The following NYAP2 variants were observed in gnomAD, a reference collection of about 807,000 sequenced individuals.
NYAP2 encodes neuronal tyrosine-phosphorylated phosphoinositide-3-kinase adapter 2.
Under a neutral mutation model 50.4 loss-of-function variants are expected in NYAP2, and 23 were observed. The ratio of observed to expected loss-of-function variants is 0.46; its 90% CI spans 0.33 to 0.65. The LOEUF is 0.65. Among genes scored for constraint, NYAP2 ranks in the 30% least tolerant of loss-of-function variants. The pLI, the probability that NYAP2 is intolerant of heterozygous loss-of-function variation, is 0.02. For missense variants in NYAP2, 885 were observed against 861.0 expected, an observed-to-expected ratio of 1.03 and a Z score of -0.35; for synonymous variants, 394 against 365.2, an observed-to-expected ratio of 1.08 and a Z score of -0.90.
chr2:225,511,993 T>C (rs1574651593), intron 3 of NYAP2, among the ~76,000 whole-genome samples: 1 of 152,198 alleles, frequency 6.6e-6, no homozygotes, highest in African/African-American at 2.4e-5. Context: ...AATTTTGTAA[T>C]GGTATTTTTA....
At chr2:225,438,136 C>T (rs141667225) in intron 3 of NYAP2, among the ~76,000 whole-genome samples, 16 of 152,268 alleles carry the variant, frequency 1.1e-4, no homozygotes, top group South Asian at 2.1e-4. Context: ...CATGTCTTAT[C>T]TTATGTCTCT....
intron 5 of NYAP2, among the ~76,000 whole-genome samples, chr2:225,618,451 C>G (rs1337049192): frequency 1.3e-5 from 2 of 152,198 alleles, no homozygotes; most frequent in Non-Finnish European, 2.9e-5. Context: ...TACAATATGG[C>G]AGGCTCCGAG....
At chr2:225,595,037 T>C (rs1328715540) in intron 5 of NYAP2, among the ~76,000 whole-genome samples, 2 of 152,148 alleles carry the variant, frequency 1.3e-5, no homozygotes, top group Admixed American at 6.5e-5. Flanking sequence ...AAAATTCCAA[T>C]GCAGAAGTCC....
At chr2:225,621,031 A>G (rs940816627) in intron 5 of NYAP2, among the ~76,000 whole-genome samples, 6 of 151,200 alleles carry the variant, frequency 4.0e-5, no homozygotes, top group East Asian at 2.0e-4. Flanking sequence ...GGAGAATGGC[A>G]TGAACCCGGG....
intron 3 of NYAP2, among the ~76,000 whole-genome samples, chr2:225,474,359 A>C (rs1483135825): frequency 6.6e-6 from 1 of 152,224 alleles, no homozygotes; most frequent in Non-Finnish European, 1.5e-5. Flanking sequence ...AGTCATTGGT[A>C]GCTTGATGGG....
chr2:225,520,365 G>C (rs1328782399), intron 4 of NYAP2, among the ~76,000 whole-genome samples: 1 of 152,010 alleles, frequency 6.6e-6, no homozygotes, highest in Non-Finnish European at 1.5e-5. Flanking sequence ...TGTCCTGAAT[G>C]GTAATGCCTA....
chr2:225,516,896 A>G (rs1475284709), intron 4 of NYAP2, among the ~76,000 whole-genome samples: 2 of 152,166 alleles, frequency 1.3e-5, no homozygotes, highest in East Asian at 3.9e-4. Context: ...TTCTTTTTAC[A>G]TTAAATGCCA....
chr2:225,657,487 C>T (rs1305235034), downstream of NYAP2, among the ~76,000 whole-genome samples: 3 of 150,992 alleles, frequency 2.0e-5, no homozygotes, highest in Non-Finnish European at 1.5e-5. Flanking sequence ...GCTCCATCCT[C>T]ATTTAATTTG....
At chr2:225,631,673 ATGT>A (rs989162595) in intron 6 of NYAP2, among the ~76,000 whole-genome samples, 1 of 152,186 alleles carries the variant, frequency 6.6e-6, no homozygotes, top group African/African-American at 2.4e-5. Context: ...AAAGGGAAAA[ATGT>A]TGTGTTGTTA....
intron 4 of NYAP2, 83 bp downstream of exon 4, chr2:225,513,755 C>A: frequency 9.3e-7 from 1 of 1,075,738 alleles, no homozygotes. Flanking sequence ...CAAGTGCCTT[C>A]TTCACTGGGC....
At chr2:225,603,520 A>T (rs1314423300) in intron 5 of NYAP2, among the ~76,000 whole-genome samples, 1 of 152,134 alleles carries the variant, frequency 6.6e-6, no homozygotes, top group African/African-American at 2.4e-5. Context: ...GGAGTGCAGT[A>T]ATGCGATCTC....
intron 4 of NYAP2, among the ~76,000 whole-genome samples, chr2:225,552,249 A>C (rs59685410): frequency 6.6e-6 from 1 of 152,198 alleles, no homozygotes; most frequent in South Asian, 2.1e-4. Flanking sequence ...TCATAAATAT[A>C]AAAACGATAC....
chr2:225,683,973 G>C, the NYAP2 span, among the ~76,000 whole-genome samples: 3 of 152,264 alleles, frequency 2.0e-5, no homozygotes, highest in East Asian at 5.8e-4. Context: ...CCAATTATGA[G>C]AGAAGTCTAG....
intron 3 of NYAP2, among the ~76,000 whole-genome samples, chr2:225,463,356 G>C (rs1689864168): frequency 6.6e-6 from 1 of 152,246 alleles, no homozygotes; most frequent in African/African-American, 2.4e-5. Flanking sequence ...CTGTCAAATT[G>C]AATAGGTGAT....
chr2:225,454,509 C>T (rs1005373246), intron 3 of NYAP2, among the ~76,000 whole-genome samples: 1 of 152,074 alleles, frequency 6.6e-6, no homozygotes, highest in Non-Finnish European at 1.5e-5. Context: ...AAGGGCTCCC[C>T]AAAGATGTCC....
chr2:225,416,153 C>T (rs2106123796), intron 3 of NYAP2, among the ~76,000 whole-genome samples: 1 of 152,280 alleles, frequency 6.6e-6, no homozygotes. Context: ...TTAATCATTT[C>T]AGGGGACCAC....
chr2:225,485,924 T>C (rs1406811424), intron 3 of NYAP2, among the ~76,000 whole-genome samples: 1 of 152,146 alleles, frequency 6.6e-6, no homozygotes, highest in Admixed American at 6.5e-5. Context: ...CTCTAATCAT[T>C]AGATGCTAGT....
At chr2:225,671,747 T>TCAA in the NYAP2 span, among the ~76,000 whole-genome samples, 1 of 152,278 alleles carries the variant, frequency 6.6e-6, no homozygotes, top group Non-Finnish European at 1.5e-5. Flanking sequence ...ATTTCTTAAA[T>TCAA]AATAAGATTT....
At chr2:225,597,962 A>T (rs937607795) in intron 5 of NYAP2, among the ~76,000 whole-genome samples, 5 of 152,138 alleles carry the variant, frequency 3.3e-5, no homozygotes, top group Admixed American at 6.5e-5. Flanking sequence ...CTTGCTCTTC[A>T]GTTAAGTTTG....
Sources: gnomAD v4.1 joint callset for allele counts (sites outside exome capture counted in the v4.1 genomes callset) on GRCh38, gnomAD v4.1.1 for gene constraint, MANE v1.5 for transcripts, NCBI Gene and HGNC (gene_info 2026-07-23, HGNC 2026-07-21) for gene names.